PPARGC1A: variants seen among roughly 807,000 people sequenced by gnomAD.
PPARGC1A encodes peroxisome proliferator-activated receptor gamma coactivator 1-alpha.
Under a neutral mutation model 88.7 loss-of-function variants are expected in PPARGC1A, and 25 were observed. That is an observed-to-expected ratio of 0.28 (90% CI 0.21 to 0.39). PPARGC1A has a LOEUF of 0.39. PPARGC1A is among the 10% of genes least tolerant of loss of function. The pLI is 1.00. For missense variants in PPARGC1A, 880 were observed against 968.7 expected (o/e 0.91, Z 1.22); for synonymous variants, 363 against 355.6 (o/e 1.02, Z -0.24).
the PPARGC1A span, among the ~76,000 whole-genome samples, chr4:23,929,160 G>GAATA: frequency 2.6e-5 from 4 of 151,894 alleles, no homozygotes; most frequent in East Asian, 1.9e-4. Flanking sequence ...AAATAATAAT[G>GAATA]AATAAATAAA....
chr4:24,389,561 G>A, the PPARGC1A span, among the ~76,000 whole-genome samples: 1,785 of 152,166 alleles, frequency 0.012, 28 homozygotes, highest in Admixed American at 0.022. Flanking sequence ...AATAGACCTG[G>A]ATCATAATAA....
the PPARGC1A span, among the ~76,000 whole-genome samples, chr4:24,179,649 G>A: frequency 6.6e-6 from 1 of 152,166 alleles, no homozygotes; most frequent in Non-Finnish European, 1.5e-5. Context: ...GCAAAAGCAT[G>A]CATGAACCCA....
At chr4:24,041,273 C>T in the PPARGC1A span, among the ~76,000 whole-genome samples, 21 of 152,304 alleles carry the variant, frequency 1.4e-4, no homozygotes, top group Non-Finnish European at 2.2e-4. Flanking sequence ...TGAAGTGGGA[C>T]GTTTTCCCTC....
the PPARGC1A span, among the ~76,000 whole-genome samples, chr4:24,423,416 G>A: frequency 2.0e-5 from 3 of 152,072 alleles, no homozygotes; most frequent in African/African-American, 7.2e-5. Context: ...TGACCATTCA[G>A]TTCTGTTAAA....
chr4:24,192,711 G>A, the PPARGC1A span, among the ~76,000 whole-genome samples: 1 of 152,150 alleles, frequency 6.6e-6, no homozygotes. Context: ...AGAGAATATT[G>A]TAAATCAGGA....
chr4:24,266,603 A>T, the PPARGC1A span, among the ~76,000 whole-genome samples: 5 of 152,112 alleles, frequency 3.3e-5, no homozygotes, highest in African/African-American at 4.8e-5. Context: ...TGAAGAAAAT[A>T]AAAAAAGGAA....
chr4:24,445,722 C>A, the PPARGC1A span, among the ~76,000 whole-genome samples: 2 of 152,166 alleles, frequency 1.3e-5, no homozygotes, highest in East Asian at 1.9e-4. Context: ...GAAGGGGATG[C>A]CTTCATTTGC....
At chr4:24,337,312 G>A in the PPARGC1A span, among the ~76,000 whole-genome samples, 3 of 152,138 alleles carry the variant, frequency 2.0e-5, no homozygotes, top group Admixed American at 1.3e-4. Flanking sequence ...GCCAAATAAA[G>A]CCATTCTCTT....
chr4:24,301,770 T>C, the PPARGC1A span, among the ~76,000 whole-genome samples: 28 of 152,276 alleles, frequency 1.8e-4, no homozygotes, highest in South Asian at 2.1e-4. Context: ...TTGTATACAT[T>C]GTAGGATGAC....
chr4:23,865,644 T>C (rs1215090991), intron 2 of PPARGC1A, among the ~76,000 whole-genome samples: 2 of 152,206 alleles, frequency 1.3e-5, no homozygotes, highest in Non-Finnish European at 2.9e-5. Context: ...ACTGAGGCCT[T>C]GTGTTAGACA....
At chr4:24,450,209 C>G in the PPARGC1A span, among the ~76,000 whole-genome samples, 3 of 152,206 alleles carry the variant, frequency 2.0e-5, no homozygotes, top group Non-Finnish European at 4.4e-5. Flanking sequence ...AGCCTCTGTT[C>G]ATATGTGCCA....
At chr4:24,300,295 TAAGCAA>T in the PPARGC1A span, among the ~76,000 whole-genome samples, 1 of 146,528 alleles carries the variant, frequency 6.8e-6, no homozygotes, top group African/African-American at 2.5e-5. Context: ...TTTCCTCCTT[TAAGCAA>T]TGGTATTTTT....
upstream of PPARGC1A, among the ~76,000 whole-genome samples, chr4:23,903,015 A>G (rs1719595637): frequency 6.6e-6 from 1 of 152,210 alleles, no homozygotes; most frequent in African/African-American, 2.4e-5. Flanking sequence ...TAATATATTT[A>G]TTTCTAGTTC....
the PPARGC1A span, among the ~76,000 whole-genome samples, chr4:24,315,511 G>A: frequency 6.6e-6 from 1 of 152,214 alleles, no homozygotes; most frequent in African/African-American, 2.4e-5. Context: ...AAGTGCACCT[G>A]AGAGGTGAGA....
the PPARGC1A span, among the ~76,000 whole-genome samples, chr4:24,331,390 C>A: frequency 3.3e-4 from 50 of 152,264 alleles, no homozygotes; most frequent in Middle Eastern, 6.8e-3. Flanking sequence ...AGGAGCCACG[C>A]CTCCCCACCC....
intron 10 of PPARGC1A, among the ~76,000 whole-genome samples, chr4:23,802,855 C>A (rs1286536134): frequency 3.9e-5 from 6 of 152,094 alleles, no homozygotes; most frequent in African/African-American, 1.4e-4. Flanking sequence ...TCTCTTCTTG[C>A]TCACATAGAT....
the PPARGC1A span, among the ~76,000 whole-genome samples, chr4:24,090,935 A>G: frequency 2.0e-5 from 3 of 152,306 alleles, no homozygotes; most frequent in Middle Eastern, 3.4e-3. Context: ...ACCAAAATGA[A>G]TCCTTTAGCT....
At chr4:24,068,124 T>C in the PPARGC1A span, among the ~76,000 whole-genome samples, 1 of 152,184 alleles carries the variant, frequency 6.6e-6, no homozygotes. Flanking sequence ...AGAACTCTTT[T>C]GTCTCACCCT....
chr4:24,300,670 C>T, the PPARGC1A span, among the ~76,000 whole-genome samples: 2 of 152,014 alleles, frequency 1.3e-5, no homozygotes, highest in Non-Finnish European at 2.9e-5. Context: ...TCCCCTTATC[C>T]TTAATAGTAA....
Sources: allele counts gnomAD v4.1 joint callset (sites outside exome capture counted in the v4.1 genomes callset), GRCh38; gene constraint gnomAD v4.1.1; transcripts MANE v1.5; gene names NCBI Gene and HGNC (gene_info 2026-07-23, HGNC 2026-07-21).